TUT4: variants seen among roughly 807,000 people sequenced by gnomAD.
The protein encoded by TUT4 is terminal uridylyltransferase 4.
In TUT4, 36 loss-of-function variants were observed where a neutral mutation model predicts 192.2. The ratio of observed to expected loss-of-function variants is 0.19; its 90% CI spans 0.14 to 0.25. TUT4 has a LOEUF of 0.25. Among genes scored for constraint, TUT4 ranks in the 10% least tolerant of loss-of-function variants. The pLI is 1.00. For missense variants in TUT4, 1,493 were observed against 1,957.2 expected (o/e 0.76, Z 4.47); for synonymous variants, 618 against 666.0 (o/e 0.93, Z 1.11).
intron 1 of TUT4, among the ~76,000 whole-genome samples, chr1:52,533,924 C>T (rs910252874): frequency 5.9e-5 from 9 of 152,164 alleles, no homozygotes; most frequent in African/African-American, 1.9e-4. Context: ...TGAGATTGCA[C>T]CACTGCACTC....
intron 25 of TUT4, among the ~76,000 whole-genome samples, chr1:52,437,941 C>A (rs553565536): frequency 6.6e-6 from 1 of 151,012 alleles, no homozygotes. Flanking sequence ...GGCGACAGGG[C>A]GAGATGCCGT....
chr1:52,448,100 G>A (rs1315597912), intron 20 of TUT4, among the ~76,000 whole-genome samples: 1 of 152,154 alleles, frequency 6.6e-6, no homozygotes, highest in Non-Finnish European at 1.5e-5. Context: ...AACCCTACTA[G>A]ACCAAAGCCA....
chr1:52,493,801 T>C (rs1237609917), intron 6 of TUT4, 139 bp from the exon 7 acceptor site: 1 of 649,096 alleles, frequency 1.5e-6, no homozygotes, highest in Non-Finnish European at 2.7e-6. Flanking sequence ...AACAGAATCG[T>C]GTTTTTTTTT....
intron 20 of TUT4, among the ~76,000 whole-genome samples, chr1:52,457,305 A>G (rs1007631519): frequency 3.3e-5 from 5 of 150,380 alleles, no homozygotes; most frequent in African/African-American, 1.2e-4. Flanking sequence ...GTGAGATCTC[A>G]GTTCACTGCA....
At chr1:52,508,531 C>T (rs753217486) in intron 4 of TUT4, among the ~76,000 whole-genome samples, 6 of 152,042 alleles carry the variant, frequency 3.9e-5, no homozygotes, top group Non-Finnish European at 7.4e-5. Flanking sequence ...TCCTAAGGAA[C>T]TCAGAAACAA....
chr1:52,479,137 A>G (rs1292394152), intron 11 of TUT4, among the ~76,000 whole-genome samples: 1 of 152,152 alleles, frequency 6.6e-6, no homozygotes, highest in African/African-American at 2.4e-5. Flanking sequence ...AATGGGAAAC[A>G]GGGCAAACAC....
chr1:52,473,993 G>A (rs1666455651), intron 13 of TUT4, among the ~76,000 whole-genome samples: 1 of 152,186 alleles, frequency 6.6e-6, no homozygotes, highest in Non-Finnish European at 1.5e-5. Flanking sequence ...GATCACTTGA[G>A]CTCACAAGTT....
intron 3 of TUT4, among the ~76,000 whole-genome samples, chr1:52,514,112 T>C (rs1358696818): frequency 1.3e-5 from 2 of 152,098 alleles, no homozygotes; most frequent in Non-Finnish European, 2.9e-5. Flanking sequence ...ATTTACTAAT[T>C]CCAGAGGAAA....
At chr1:52,480,023 T>C (rs1039556133) in intron 11 of TUT4, among the ~76,000 whole-genome samples, 3 of 144,432 alleles carry the variant, frequency 2.1e-5, no homozygotes, top group African/African-American at 7.7e-5. Context: ...AAAAAAAGAC[T>C]ATTAGATATC....
chr1:52,538,769 A>G (rs1254746797), intron 1 of TUT4: 2 of 152,198 alleles, frequency 1.3e-5, no homozygotes, highest in East Asian at 3.8e-4. Flanking sequence ...CCTGAATTAA[A>G]CATTTATTCT....
At chr1:52,477,912 G>C (rs764548417) in intron 11 of TUT4, 30 bp from the exon 12 acceptor site, 1 of 1,545,678 alleles carries the variant, frequency 6.5e-7, no homozygotes, top group Admixed American at 2.1e-5. Flanking sequence ...TTTCATTTAA[G>C]CTTAACAAAA....
At chr1:52,541,401 A>G (rs1053698475) in intron 1 of TUT4, among the ~76,000 whole-genome samples, 2 of 151,752 alleles carry the variant, frequency 1.3e-5, no homozygotes, top group Non-Finnish European at 2.9e-5. Flanking sequence ...ACATGGTGGC[A>G]GGCGCCAGTA....
chr1:52,504,036 G>A (rs908789303), intron 4 of TUT4, among the ~76,000 whole-genome samples: 1 of 152,160 alleles, frequency 6.6e-6, no homozygotes, highest in East Asian at 1.9e-4. Flanking sequence ...GAAATGTTCT[G>A]TAAGTGTCTC....
chr1:52,460,650 A>C (rs777800870), intron 19 of TUT4, among the ~76,000 whole-genome samples: 2 of 152,242 alleles, frequency 1.3e-5, no homozygotes, highest in Non-Finnish European at 2.9e-5. Flanking sequence ...ACTACAATGA[A>C]CTAGAGAAAC....
In TUT4 at chr1:52,495,489, A is replaced by T. The variant is rs1672224266; in HGVS notation, c.1204T>A (p.Ser402Thr). 1 of 1,611,006 alleles carries T rather than the reference A, an allele frequency of 6.2e-7. No individual in the cohort carries two copies. Among genetic ancestry groups the T allele is most frequent in the African/African-American group, 1.3e-5 (1 of 74,794 alleles). ...CTTTTCAGAGCAAATCTAGTCAGAG[A>T]TGAGCCATACAACCTAAGTGAACAT... is the stretch of plus-strand genomic sequence containing the variant. ...PECSLRLYGS[S>T]LTRFALKSSD... is the part of the protein sequence containing the mutation. The change falls in exon 6 of 30, where the codon TCT (serine) becomes ACT (threonine). Residue 402 changes from serine (S) to threonine (T), a missense_variant. Ser to Thr is a moderately conservative substitution (Grantham distance 58). Coordinates refer to ENST00000257177, the MANE Select transcript of TUT4 (RefSeq NM_001009881.3).
intron 2 of TUT4, among the ~76,000 whole-genome samples, chr1:52,522,485 A>G (rs1680543948): frequency 6.6e-6 from 1 of 152,218 alleles, no homozygotes; most frequent in Admixed American, 6.5e-5. Flanking sequence ...TAAAAATGAG[A>G]AAACATATTT....
At chr1:52,498,280 C>T (rs1255556793) in intron 4 of TUT4, among the ~76,000 whole-genome samples, 3 of 137,738 alleles carry the variant, frequency 2.2e-5, no homozygotes, top group Non-Finnish European at 4.6e-5. Flanking sequence ...GTCTCGCTGT[C>T]GCCCCGGCTG....
intron 13 of TUT4, among the ~76,000 whole-genome samples, chr1:52,473,702 GT>G (rs964754836): frequency 6.7e-6 from 1 of 149,920 alleles, no homozygotes; most frequent in Non-Finnish European, 1.5e-5. Context: ...CTTTCCTTTT[GT>G]TTTTTTTTAA....
At chr1:52,459,439 A>C (rs1310398469) in intron 19 of TUT4, among the ~76,000 whole-genome samples, 11 of 151,462 alleles carry the variant, frequency 7.3e-5, no homozygotes, top group Non-Finnish European at 1.6e-4. Context: ...AAATACAAAA[A>C]ATAGTTGGGC....
Sources: allele counts gnomAD v4.1 joint callset (sites outside exome capture counted in the v4.1 genomes callset), GRCh38; gene constraint gnomAD v4.1.1; transcripts MANE v1.5; gene names NCBI Gene and HGNC (gene_info 2026-07-23, HGNC 2026-07-21).